The following SEC63 variants were observed in gnomAD, a reference collection of about 807,000 sequenced individuals.
SEC63 encodes SEC63 protein translocation regulator, also known as translocation protein SEC63 homolog.
Under a neutral mutation model 116.2 loss-of-function variants are expected in SEC63, and 56 were observed. That is an observed-to-expected ratio of 0.48 (90% CI 0.39 to 0.60). The LOEUF is 0.60. Ranked by LOEUF, SEC63 falls within the 20% of genes least tolerant of loss-of-function variation. SEC63 has a pLI of 0.00. For missense variants in SEC63, 668 were observed against 900.0 expected (o/e 0.74, Z 3.30); for synonymous variants, 273 against 294.6 (o/e 0.93, Z 0.75).
In SEC63 at chr6:107,880,744, G is replaced by C. The variant is rs113413939; in HGVS notation, c.1935+405C>G. ...ATGTCGCCAGCAGGATCCTCAGAGA[G>C]AAAATTTAAGAATTTTTTCATCCGA... On this transcript the variant is annotated intron_variant, in intron 18 of 20. Coordinates refer to ENST00000369002, the MANE Select transcript of SEC63 (RefSeq NM_007214.5). Among the ~76,000 whole-genome samples the C allele has an allele frequency of 5.3e-5, 8 of 152,254 alleles. 1 individual carries two copies. The highest frequency in any genetic ancestry group is 1.9e-4 in the African/African-American group (8 of 41,550).
chr6:107,902,830 T>C lies in SEC63; in HGVS notation c.1209+14A>G. ...AAACTGCTGAAAACTGACTTTAAAGTAGCAAAGAATTACCTTCTTATGATT... is the reference window on the plus strand; with the variant it reads ...AAACTGCTGAAAACTGACTTTAAAGCAGCAAAGAATTACCTTCTTATGATT... On this transcript the variant is annotated intron_variant, in intron 12 of 20. Transcript: ENST00000369002. 5 of 1,612,612 alleles carry C rather than the reference T, an allele frequency of 3.1e-6. No individual in the cohort carries two copies. In the South Asian group the frequency reaches 3.3e-5, roughly 11 times the overall value.
At chr6:107,955,445 A>C (rs1049478903) in intron 1 of SEC63, among the ~76,000 whole-genome samples, 1 of 152,150 alleles carries the variant, frequency 6.6e-6, no homozygotes, top group Non-Finnish European at 1.5e-5. Context: ...GGCAGGCGTG[A>C]GCCACCATGC....
chr6:107,920,935 C>T (rs2064202), intron 4 of SEC63, among the ~76,000 whole-genome samples: 148,735 of 152,262 alleles, frequency 0.98, 72,686 homozygotes, highest in African/African-American at 0.99. Context: ...TTACCTAAGG[C>T]ATAAGACCAA....
At chr6:107,938,682 G>A (rs905562672) in intron 1 of SEC63, among the ~76,000 whole-genome samples, 8 of 151,104 alleles carry the variant, frequency 5.3e-5, no homozygotes, top group South Asian at 2.1e-4. Context: ...TCAGCCTCCC[G>A]AGTAGCTGGG....
intron 16 of SEC63, among the ~76,000 whole-genome samples, chr6:107,889,081 G>GT (rs1786609673): frequency 1.3e-5 from 2 of 152,142 alleles, no homozygotes; most frequent in Non-Finnish European, 2.9e-5. Flanking sequence ...CCAGGTTTTG[G>GT]TATCAGGATG....
chr6:107,904,585 T>C, intron 11 of SEC63, 44 bp downstream of exon 11: 1 of 1,472,242 alleles, frequency 6.8e-7, no homozygotes, highest in Non-Finnish European at 9.5e-7. Flanking sequence ...CTGCATATGC[T>C]TGCAAGAAAA....
chr6:107,947,979 T>C (rs1228378523), intron 1 of SEC63, among the ~76,000 whole-genome samples: 4 of 152,182 alleles, frequency 2.6e-5, no homozygotes, highest in Non-Finnish European at 4.4e-5. Context: ...AGTATAACCC[T>C]CTTAAAATAC....
rs1006221974 is a variant in SEC63, at chr6:107,913,432, C to T, written c.453-5G>A. ...CGGGACTCTTCATCCGTTAAACTAG[C>T]ATCAAAAGAACAAAGTTGCAAAATT... On this transcript the variant is annotated splice_polypyrimidine_tract_variant and splice_region_variant and intron_variant, in intron 4 of 20. Transcript: ENST00000369002. The T allele has an allele frequency of 4.3e-6, 7 of 1,611,570 alleles. No individual in the cohort carries two copies. The highest frequency in any genetic ancestry group is 1.3e-5 in the African/African-American group (1 of 74,854).
At chr6:107,914,458 C>T (rs1237647037) in intron 4 of SEC63, among the ~76,000 whole-genome samples, 1 of 151,994 alleles carries the variant, frequency 6.6e-6, no homozygotes, top group African/African-American at 2.4e-5. Flanking sequence ...GCAAAAAGGA[C>T]ATTCATTAGT....
chr6:107,907,865 C>T lies in SEC63; in HGVS notation c.733+1062G>A, dbSNP rs145901167. Reference sequence around the variant, plus strand: ...GAAATCCACCAGCTAAACAATGCTTCTCTGACAAAGCTGTGTAAGGATACC... The same window carrying T: ...GAAATCCACCAGCTAAACAATGCTTTTCTGACAAAGCTGTGTAAGGATACC... On this transcript the variant is annotated intron_variant, in intron 8 of 20. Transcript: ENST00000369002. Among the ~76,000 whole-genome samples, 449 of 152,278 alleles carry T rather than the reference C, an allele frequency of 2.9e-3. 2 individuals carry two copies. The highest frequency in any genetic ancestry group is 0.01 in the African/African-American group (431 of 41,562).
At chr6:107,953,959 G>A (rs1243849319) in intron 1 of SEC63, among the ~76,000 whole-genome samples, 1 of 152,190 alleles carries the variant, frequency 6.6e-6, no homozygotes, top group African/African-American at 2.4e-5. Flanking sequence ...ACCCCGTCTG[G>A]GAGGTGTACC....
chr6:107,891,384 C>T (rs559875587), intron 16 of SEC63, among the ~76,000 whole-genome samples: 1 of 151,906 alleles, frequency 6.6e-6, no homozygotes, highest in Non-Finnish European at 1.5e-5. Flanking sequence ...GTATGCTTCA[C>T]GAAGTTCTCG....
rs1272009865 is a variant in SEC63 at position 107,948,152 on chromosome 6, C to G, written c.124+9734G>C. Among the ~76,000 whole-genome samples, 5 of 152,130 alleles carry G rather than the reference C, an allele frequency of 3.3e-5. No homozygotes were observed. In the East Asian group the frequency reaches 9.6e-4, roughly 29 times the overall value. ...CTCTGCATGAAACACTTCCCCAAAT[C>G]CCAAAATATAATTATTTACTCCTTC... On this transcript the variant is annotated intron_variant, in intron 1 of 20. Coordinates refer to ENST00000369002, the MANE Select transcript of SEC63 (RefSeq NM_007214.5).
intron 1 of SEC63, among the ~76,000 whole-genome samples, chr6:107,947,796 A>C (rs1770506860): frequency 6.6e-6 from 1 of 152,064 alleles, no homozygotes; most frequent in Non-Finnish European, 1.5e-5. Context: ...TGTCACTGGA[A>C]AGAGCCTCTG....
In SEC63 at chr6:107,921,891, T is replaced by C. The variant is rs1787563152; in HGVS notation, c.358A>G (p.Ile120Val). ...GACAGCAAACGATATTGTTTTTTAA[T>C]TTCTGCTACTGTGGCTCCCTGGGGA... ...NLDPGATVAE[I>V]KKQYRLLSLK... Residue 120 changes from isoleucine (I) to valine (V), a missense_variant, in exon 4 of 21, where the codon ATT (isoleucine) becomes GTT (valine). Coordinates refer to ENST00000369002, the MANE Select transcript of SEC63 (RefSeq NM_007214.5). 1 of 1,599,300 alleles carries C rather than the reference T, an allele frequency of 6.3e-7. No individual in the cohort carries two copies. Among genetic ancestry groups the C allele is most frequent in the Non-Finnish European group, 8.5e-7 (1 of 1,172,640 alleles).
At chr6:107,892,089 TCTG>T (rs1164469823) in intron 16 of SEC63, among the ~76,000 whole-genome samples, 2 of 152,224 alleles carry the variant, frequency 1.3e-5, no homozygotes, top group African/African-American at 2.4e-5. Flanking sequence ...TGCTGGTAGA[TCTG>T]CTGCTGTCTT....
intron 7 of SEC63, among the ~76,000 whole-genome samples, chr6:107,910,955 C>A (rs1787270151): frequency 6.6e-6 from 1 of 152,068 alleles, no homozygotes; most frequent in Non-Finnish European, 1.5e-5. Context: ...AATTGATCTG[C>A]CCACCTCAGC....
chr6:107,893,452 T>A (rs777082508), intron 16 of SEC63, 30 bp downstream of exon 16: 12 of 1,596,700 alleles, frequency 7.5e-6, no homozygotes, highest in Non-Finnish European at 9.4e-6. Context: ...TTTAGCTTAA[T>A]AATGATAATA....
chr6:107,927,566 G>A (rs1053566044), intron 2 of SEC63, among the ~76,000 whole-genome samples: 3 of 152,102 alleles, frequency 2.0e-5, no homozygotes, highest in African/African-American at 7.2e-5. Context: ...CCCTTAATCT[G>A]TACTTTAATT....
Sources: gnomAD v4.1 joint callset for allele counts (sites outside exome capture counted in the v4.1 genomes callset) on GRCh38, gnomAD v4.1.1 for gene constraint, MANE v1.5 for transcripts, NCBI Gene and HGNC (gene_info 2026-07-23, HGNC 2026-07-21) for gene names.